Variants in FANCM observed in about 807,000 individuals in gnomAD.
FANCM encodes the protein FA complementation group M.
FANCM carries 140 observed loss-of-function variants against 199.5 expected under a neutral mutation model. That is an observed-to-expected ratio of 0.70 (90% CI 0.61 to 0.81). The LOEUF (loss-of-function observed/expected upper bound fraction) is 0.81, where lower values mean the gene tolerates loss of function less well. FANCM is among the 30% of genes least tolerant of loss of function. The pLI, the probability that FANCM is intolerant of heterozygous loss-of-function variation, is 0.00. For missense variants in FANCM, 2,410 were observed against 2,421.4 expected (o/e 1.00, Z 0.10); for synonymous variants, 840 against 836.8 (o/e 1.00, Z -0.07).
At chr14:45,155,627 C>T (rs940006168) in intron 8 of FANCM, among the ~76,000 whole-genome samples, 168 bp downstream of exon 8, 7 of 152,066 alleles carry the variant, frequency 4.6e-5, no homozygotes, top group Non-Finnish European at 1.0e-4. Context: ...GGTAAAACCC[C>T]GTCTCTACTA....
chr14:45,142,057 T>A (rs140578584), intron 3 of FANCM, among the ~76,000 whole-genome samples: 3 of 152,072 alleles, frequency 2.0e-5, no homozygotes, highest in Non-Finnish European at 4.4e-5. Context: ...GCCAGAAAAA[T>A]TGCAAAAATA....
chr14:45,150,524 C>T (rs1886742202), intron 4 of FANCM, among the ~76,000 whole-genome samples: 1 of 152,144 alleles, frequency 6.6e-6, no homozygotes, highest in Non-Finnish European at 1.5e-5. Context: ...AGGTCTTCAT[C>T]TATAGGTCTC....
At chr14:45,173,345 G>A (rs1888463956) in intron 13 of FANCM, 135 bp downstream of exon 13, 5 of 775,498 alleles carry the variant, frequency 6.4e-6, no homozygotes, top group Non-Finnish European at 1.1e-5. Flanking sequence ...AGTAAAGAAT[G>A]AGTTTTCTGC....
At chr14:45,156,240 G>A (rs767093050) in intron 8 of FANCM, among the ~76,000 whole-genome samples, 10 of 152,200 alleles carry the variant, frequency 6.6e-5, no homozygotes, top group Non-Finnish European at 1.0e-4. Context: ...GGTGGCAGTA[G>A]GGTGCTTGGT....
chr14:45,171,686 C>A (rs1273404142), intron 12 of FANCM, among the ~76,000 whole-genome samples: 1 of 115,686 alleles, frequency 8.6e-6, no homozygotes, highest in African/African-American at 3.3e-5. Context: ...GAGTAGTAGT[C>A]CATGTTGTGT....
intron 10 of FANCM, among the ~76,000 whole-genome samples, chr14:45,165,509 C>G: frequency 6.6e-6 from 1 of 152,140 alleles, no homozygotes. Context: ...GATCCCACCA[C>G]TGCACTCCAG....
intron 20 of FANCM, among the ~76,000 whole-genome samples, chr14:45,193,108 A>T (rs571737380): frequency 9.9e-5 from 15 of 152,236 alleles, no homozygotes; most frequent in Non-Finnish European, 2.1e-4. Flanking sequence ...CCTATGGAAC[A>T]AAAAGCTTTA....
At chr14:45,194,961 C>T (rs1175604707) in intron 20 of FANCM, among the ~76,000 whole-genome samples, 1 of 152,084 alleles carries the variant, frequency 6.6e-6, no homozygotes, top group Non-Finnish European at 1.5e-5. Context: ...GTTGGCCAGG[C>T]TGGTCTCGAA....
At chr14:45,142,101 T>G (rs998524754) in intron 3 of FANCM, among the ~76,000 whole-genome samples, 17 of 152,136 alleles carry the variant, frequency 1.1e-4, no homozygotes, top group Admixed American at 5.2e-4. Flanking sequence ...CGTCTTCCCC[T>G]AATGTTAACG....
chr14:45,145,811 G>C (rs1594762152), intron 3 of FANCM, among the ~76,000 whole-genome samples: 1 of 152,092 alleles, frequency 6.6e-6, no homozygotes, highest in South Asian at 2.1e-4. Flanking sequence ...TGTAATCCCA[G>C]CACTTTGGGA....
At chr14:45,145,708 A>C (rs1308253620) in intron 3 of FANCM, among the ~76,000 whole-genome samples, 1 of 152,120 alleles carries the variant, frequency 6.6e-6, no homozygotes, top group Non-Finnish European at 1.5e-5. Context: ...GCGGATCAGG[A>C]GGTCAGGAGA....
At chr14:45,169,813 T>C (rs925427641) in intron 11 of FANCM, among the ~76,000 whole-genome samples, 2 of 152,242 alleles carry the variant, frequency 1.3e-5, no homozygotes, top group African/African-American at 4.8e-5. Flanking sequence ...TTATAGAAGC[T>C]GAAAAGAATG....
intron 3 of FANCM, among the ~76,000 whole-genome samples, chr14:45,146,566 G>T (rs762730192): frequency 2.0e-5 from 3 of 151,842 alleles, no homozygotes; most frequent in Non-Finnish European, 2.9e-5. Context: ...TTTTCAGTCA[G>T]CTTAAAAATG....
In FANCM at chr14:45,200,778, T is replaced by G. The variant is rs931343323; in HGVS notation, c.*770T>G. On this transcript the variant is annotated 3_prime_UTR_variant, in exon 23 of 23. Transcript: ENST00000267430. Reference sequence around the variant, plus strand: ...TTCACTCTGCAGTTCTCTTGCCTACTGCCATGTGGAAAAGGAAACGTTTGC... The same window carrying G: ...TTCACTCTGCAGTTCTCTTGCCTACGGCCATGTGGAAAAGGAAACGTTTGC... The G allele has an allele frequency of 6.6e-6, 1 of 152,232 alleles. No individual in the cohort carries two copies. The highest frequency in any genetic ancestry group is 2.4e-5 in the African/African-American group (1 of 41,460). 9.4% of individuals were successfully genotyped at this position (152,232 alleles called of 1,614,324 possible). A position where few individuals can be genotyped will look rare whatever the true frequency, so the allele number is the denominator to read the frequency against.
rs1275446853 is a variant in FANCM, at chr14:45,185,225, T to C, written c.4524T>C (p.Ala1508=). 2.8e-5 allele frequency: 44 copies of C among 1,594,226 alleles called. No individual in the cohort carries two copies. The East Asian group carries it at 9.4e-4, about 34-fold the overall frequency. Reference sequence around the variant, plus strand: ...TAATTTGTCTTACTTAGCATGTAGCTAGGAAGTTTTTAGATGATGAAGCAG... The same window carrying C: ...TAATTTGTCTTACTTAGCATGTAGCCAGGAAGTTTTTAGATGATGAAGCAG... ...PKRQSHLKHV[A]RKFLDDEAEL... is the part of the protein sequence containing the mutation. The change falls in exon 18 of 23, where the codon GCT becomes GCC. Residue 1508 remains alanine, a synonymous_variant. Transcript: ENST00000267430.
chr14:45,158,059 C>T (rs2139182929), intron 8 of FANCM, among the ~76,000 whole-genome samples: 1 of 152,052 alleles, frequency 6.6e-6, no homozygotes, highest in African/African-American at 2.4e-5. Flanking sequence ...TGTAGCTGGG[C>T]ATGGTGGCAT....
chr14:45,150,145 T>A (rs1055545861), intron 4 of FANCM, among the ~76,000 whole-genome samples: 1 of 152,242 alleles, frequency 6.6e-6, no homozygotes, highest in Non-Finnish European at 1.5e-5. Flanking sequence ...CAAAAAGTTA[T>A]CTGTCACTTA....
intron 4 of FANCM, among the ~76,000 whole-genome samples, chr14:45,149,612 C>G (rs1043242867): frequency 6.6e-6 from 1 of 152,098 alleles, no homozygotes; most frequent in Admixed American, 6.6e-5. Flanking sequence ...AAGTGATTTT[C>G]CTGCCCCGAC....
intron 3 of FANCM, among the ~76,000 whole-genome samples, chr14:45,148,198 AAAACAC>A (rs1566731388): frequency 5.4e-5 from 7 of 129,288 alleles, no homozygotes; most frequent in South Asian, 2.2e-4. Context: ...CACCGTCTCA[AAAACAC>A]ACACACACAC....
Sources: gnomAD v4.1 joint callset for allele counts (sites outside exome capture counted in the v4.1 genomes callset) on GRCh38, gnomAD v4.1.1 for gene constraint, MANE v1.5 for transcripts, NCBI Gene and HGNC (gene_info 2026-07-23, HGNC 2026-07-21) for gene names.